Variants in SLC4A1 observed in about 807,000 individuals in gnomAD.
SLC4A1 encodes the protein solute carrier family 4 member 1 (Diego blood group).
In SLC4A1, 29 loss-of-function variants were observed where a neutral mutation model predicts 93.1. The observed-to-expected ratio is 0.31, with a 90% CI of 0.23 to 0.42. SLC4A1 has a LOEUF of 0.42. Ranked by LOEUF, SLC4A1 falls within the 20% of genes least tolerant of loss-of-function variation. SLC4A1 has a pLI of 1.00. For missense variants in SLC4A1, 965 were observed against 1,190.1 expected (o/e 0.81, Z 2.78); for synonymous variants, 469 against 497.2 (o/e 0.94, Z 0.76).
rs1174269872 is a variant in SLC4A1, at chr17:44,249,713, C to T, written c.*745G>A. 1 of 155,102 alleles carries T rather than the reference C, an allele frequency of 6.4e-6. No homozygotes were observed. The highest frequency in any genetic ancestry group is 6.3e-5 in the Admixed American group (1 of 15,818). 9.6% of individuals were successfully genotyped at this position (155,102 alleles called of 1,614,324 possible). A position where few individuals can be genotyped will look rare whatever the true frequency, so the allele number is the denominator to read the frequency against. Reference sequence around the variant, plus strand: ...ATCCTTGCCTGTACCTTGTCCTCACCAGGACGCCTCTCTCTGGGCCCAGAG... The same window carrying T: ...ATCCTTGCCTGTACCTTGTCCTCACTAGGACGCCTCTCTCTGGGCCCAGAG... On this transcript the variant is annotated 3_prime_UTR_variant, in exon 20 of 20. Coordinates refer to ENST00000262418, the MANE Select transcript of SLC4A1 (RefSeq NM_000342.4).
Position 44,250,481 on chromosome 17 carries a change from C to T in SLC4A1, c.2713G>A (p.Asp905Asn), listed in dbSNP as rs776130740. 1.4e-5 allele frequency: 22 copies of T among 1,613,828 alleles called. No individual in the cohort carries two copies. In the Middle Eastern group the frequency reaches 4.9e-4, roughly 36 times the overall value. The change falls in exon 20 of 20, where the codon GAC becomes AAC. Residue 905 changes from aspartate (D) to asparagine (N), a missense_variant. Asp to Asn is a conservative substitution (Grantham distance 23, BLOSUM62 1). This residue lies in a region of SLC4A1 where 770 missense variants were observed against 1,006.6 expected (regional missense o/e 0.76). Transcript: ENST00000262418. ...FDEEEGRDEY[D>N]EVAMPV ...CCTCACACAGGCATGGCCACTTCGT[C>T]GTATTCATCCCGACCTTCCTCCTCA...
chr17:44,257,323 T>A lies in SLC4A1; in HGVS notation c.1626+27A>T, dbSNP rs544084293. ...TCAGTCTTATACACAACCTCCCGTG[T>A]GCATTAACATCCCCATAGGCCCCCA... On this transcript the variant is annotated intron_variant, in intron 13 of 19. Transcript: ENST00000262418. The A allele has an allele frequency of 6.0e-5, 96 of 1,607,178 alleles. No individual in the cohort carries two copies. In the South Asian group the frequency reaches 9.3e-4, roughly 16 times the overall value.
intron 4 of SLC4A1, 101 bp downstream of exon 4, chr17:44,261,474 C>T (rs2144622528): frequency 6.3e-7 from 1 of 1,594,334 alleles, no homozygotes; most frequent in Admixed American, 1.7e-5. Flanking sequence ...GGGTCTCCCC[C>T]AGCCTGAAGC....
In SLC4A1 at chr17:44,262,687, C is replaced by G; in HGVS notation, c.55G>C (p.Glu19Gln). The change falls in exon 3 of 20, where the codon GAG becomes CAG. Residue 19 changes from glutamate (E) to glutamine (Q), a missense_variant. Coordinates refer to ENST00000262418, the MANE Select transcript of SLC4A1 (RefSeq NM_000342.4). Reference protein sequence around the residue: ...EDMMEENLEQEEYEDPDIPES... With the variant: ...EDMMEENLEQQEYEDPDIPES... ...GGGATGTCTGGGTCTTCATATTCCT[C>G]CTGCTCCAGATTCTCCTCCATCATG... 3 of 1,614,114 alleles carry G rather than the reference C, an allele frequency of 1.9e-6. No individual in the cohort carries two copies. The highest frequency in any genetic ancestry group is 1.1e-5 in the South Asian group (1 of 91,080).
At chr17:44,259,057 T>G in intron 9 of SLC4A1, 106 bp downstream of exon 9, 1 of 1,214,180 alleles carries the variant, frequency 8.2e-7, no homozygotes, top group Middle Eastern at 2.6e-4. Flanking sequence ...GCTGAATGGG[T>G]CAAACCAGTG....
Position 44,257,726 on chromosome 17 carries a change from C to G in SLC4A1, c.1364G>C (p.Gly455Ala), listed in dbSNP as rs1464215226. Residue 455 changes from glycine (G) to alanine (A), a missense_variant, in exon 12 of 20, where the codon GGG becomes GCG. By Grantham distance (60) the Gly-to-Ala change is moderately conservative. This residue lies in a region of SLC4A1 where 770 missense variants were observed against 1,006.6 expected (regional missense o/e 0.76). Coordinates refer to ENST00000262418, the MANE Select transcript of SLC4A1 (RefSeq NM_000342.4). ...GCCGACCACAAGCAGGGGCTGAGCCCCCAGCAGGGCGAAGAGAATGCCCTG... is the reference window on the plus strand; with the variant it reads ...GCCGACCACAAGCAGGGGCTGAGCCGCCAGCAGGGCGAAGAGAATGCCCTG... ...AVQGILFALL[G>A]AQPLLVVGFS... 2.5e-6 allele frequency: 4 copies of G among 1,613,908 alleles called. No individual in the cohort carries two copies. The highest frequency in any genetic ancestry group is 3.4e-6 in the Non-Finnish European group (4 of 1,180,028).
chr17:44,254,476 G>A lies in SLC4A1; in HGVS notation c.2057+20C>T. On this transcript the variant is annotated intron_variant, in intron 16 of 19. Coordinates refer to ENST00000262418, the MANE Select transcript of SLC4A1 (RefSeq NM_000342.4). Reference sequence around the variant, plus strand: ...CCTGCCTCCCACCCTCCCAGGCCCAGCCCCCACCCTGTCTCTCACGTGGTG... The same window carrying A: ...CCTGCCTCCCACCCTCCCAGGCCCAACCCCCACCCTGTCTCTCACGTGGTG... The A allele has an allele frequency of 4.3e-5, 29 of 676,514 alleles. No individual in the cohort carries two copies. The highest frequency in any genetic ancestry group is 5.5e-5 in the Non-Finnish European group (21 of 379,126). The allele number at this position is 676,514 out of a possible 1,614,324, so 41.9% of individuals were successfully genotyped here. A position where few individuals can be genotyped will look rare whatever the true frequency, so the allele number is the denominator to read the frequency against.
chr17:44,250,134 T>G lies in SLC4A1; in HGVS notation c.*324A>C. ...CGCTCACCCACCTCCTGCCTTTGCT[T>G]CTACCCCTGCCTGTGCTGGGAAGAG... On this transcript the variant is annotated 3_prime_UTR_variant, in exon 20 of 20. Transcript: ENST00000262418. 1 of 372,780 alleles carries G rather than the reference T, an allele frequency of 2.7e-6. No homozygotes were observed. The highest frequency in any genetic ancestry group is 5.1e-6 in the Non-Finnish European group (1 of 195,624). 23.1% of individuals were successfully genotyped at this position (372,780 alleles called of 1,614,324 possible).
Position 44,261,935 on chromosome 17 carries a change from G to T in SLC4A1, c.107-299C>A, listed in dbSNP as rs2074106. 0.67 allele frequency: 761,477 copies of T among 1,138,574 alleles called. 260,948 individuals are homozygous for T. Among genetic ancestry groups the T allele is most frequent in the South Asian group, 0.72 (44,685 of 62,034 alleles). 70.5% of individuals were successfully genotyped at this position (1,138,574 alleles called of 1,614,324 possible). On this transcript the variant is annotated intron_variant, in intron 3 of 19. Transcript: ENST00000262418. ...AGTGAAGGGACCTCTCCAAGGTGACGGCAGAGCCCTGAGTGGCAATTTTCA... is the reference window on the plus strand; with the variant it reads ...AGTGAAGGGACCTCTCCAAGGTGACTGCAGAGCCCTGAGTGGCAATTTTCA...
chr17:44,251,669 G>C, intron 17 of SLC4A1, 81 bp from the exon 18 acceptor site: 6 of 1,273,114 alleles, frequency 4.7e-6, no homozygotes, highest in Non-Finnish European at 5.7e-6. Context: ...TCTGGGGCTG[G>C]GAATAAAACA....
chr17:44,251,174 G>A lies in SLC4A1; in HGVS notation c.2640C>T (p.Asn880=), dbSNP rs1426774802. Residue 880 remains asparagine (N), a synonymous_variant, in exon 19 of 20, where the codon AAC becomes AAT. Coordinates refer to ENST00000262418, the MANE Select transcript of SLC4A1 (RefSeq NM_000342.4). Reference sequence around the variant, plus strand: ...AGCCACTCACACACTGAAGCTCCACGTTCCTGAAGATGAGCGGCAGCAGGA... The same window carrying A: ...AGCCACTCACACACTGAAGCTCCACATTCCTGAAGATGAGCGGCAGCAGGA... The part of the protein sequence containing the change: ...RRVLLPLIFR[N]VELQCLDADD... The A allele has an allele frequency of 9.3e-6, 15 of 1,606,780 alleles. No individual in the cohort carries two copies. Among genetic ancestry groups the A allele is most frequent in the South Asian group, 6.7e-5 (6 of 89,968 alleles).
chr17:44,250,954 T>A (rs978136544), intron 19 of SLC4A1, among the ~76,000 whole-genome samples: 7 of 151,828 alleles, frequency 4.6e-5, no homozygotes, highest in Admixed American at 4.6e-4. Flanking sequence ...TGCCATCATT[T>A]CCCCCTTTAC....
intron 7 of SLC4A1, 35 bp downstream of exon 7, chr17:44,259,774 C>A (rs2047425365): frequency 3.7e-6 from 6 of 1,612,974 alleles, no homozygotes; most frequent in Non-Finnish European, 4.2e-6. Context: ...CCTTGCCCCA[C>A]CCTGACCCTG....
chr17:44,257,574 T>C, intron 12 of SLC4A1, 30 bp from the exon 13 acceptor site: 1 of 1,613,412 alleles, frequency 6.2e-7, no homozygotes, highest in Non-Finnish European at 8.5e-7. Context: ...AGCCGGTCAG[T>C]CAAAGGGTCT....
At chr17:44,252,593 C>A (rs2047352524) in intron 17 of SLC4A1, among the ~76,000 whole-genome samples, 1 of 152,198 alleles carries the variant, frequency 6.6e-6, no homozygotes, top group Non-Finnish European at 1.5e-5. Context: ...GCACTGCCCA[C>A]ACCGAACCCA....
In SLC4A1 at chr17:44,260,693, C is replaced by T. The variant is rs1302300341; in HGVS notation, c.291G>A (p.Pro97=). The change falls in exon 5 of 20, where the codon CCG becomes CCA. Residue 97 remains proline (P), a synonymous_variant. Transcript: ENST00000262418. ...NLGENGAWGR[P]HLSHLTFWSL... ...TCCAGAAGGTGAGGTGAGAGAGGTG[C>T]GGGCGGCCCCAGGCCCCATTCTCCC... 7 of 1,614,022 alleles carry T rather than the reference C, an allele frequency of 4.3e-6. No individual in the cohort carries two copies. The highest frequency in any genetic ancestry group is 2.2e-5 in the East Asian group (1 of 44,890).
chr17:44,259,965 A>G, intron 6 of SLC4A1, 33 bp from the exon 7 acceptor site: 2 of 1,611,900 alleles, frequency 1.2e-6, no homozygotes, highest in Non-Finnish European at 1.7e-6. Context: ...GGGCTGAGTA[A>G]GCTGTTCAGG....
At chr17:44,256,968 A>G (rs1176460603) in intron 13 of SLC4A1, among the ~76,000 whole-genome samples, 2 of 151,898 alleles carry the variant, frequency 1.3e-5, no homozygotes, top group Non-Finnish European at 1.5e-5. Context: ...GCACAGACAC[A>G]TGTGCGAGGA....
rs201265160 is a variant in SLC4A1 at position 44,250,493 on chromosome 17, G to A, written c.2701C>T (p.Arg901Trp). 2.9e-4 allele frequency: 462 copies of A among 1,613,888 alleles called. No homozygotes were observed. Among genetic ancestry groups the A allele is most frequent in the Admixed American group, 4.0e-4 (24 of 60,024 alleles). Residue 901 changes from arginine (R) to tryptophan (W), a missense_variant, in exon 20 of 20, where the codon CGG (arginine) becomes TGG (tryptophan). Coordinates refer to ENST00000262418, the MANE Select transcript of SLC4A1 (RefSeq NM_000342.4). ...ATGGCCACTTCGTCGTATTCATCCCGACCTTCCTCCTCATCAAAGGTTGCC... is the reference window on the plus strand; with the variant it reads ...ATGGCCACTTCGTCGTATTCATCCCAACCTTCCTCCTCATCAAAGGTTGCC... ...AKATFDEEEG[R>W]DEYDEVAMPV
Sources: allele counts gnomAD v4.1 joint callset (sites outside exome capture counted in the v4.1 genomes callset), GRCh38; gene constraint gnomAD v4.1.1; regional missense constraint gnomAD v4.1.1; transcripts MANE v1.5; gene names NCBI Gene and HGNC (gene_info 2026-07-23, HGNC 2026-07-21).